The following PRDM1 variants were observed in gnomAD, a reference collection of about 807,000 sequenced individuals.
The protein encoded by PRDM1 is PR domain zinc finger protein 1.
In PRDM1, 13 loss-of-function variants were observed where a neutral mutation model predicts 62.8. The observed-to-expected ratio is 0.21, with a 90% CI of 0.13 to 0.33. The LOEUF (loss-of-function observed/expected upper bound fraction) is 0.33. Ranked by LOEUF, PRDM1 falls within the 10% of genes least tolerant of loss-of-function variation. The probability of loss-of-function intolerance (pLI) is 1.00; values close to 1 mark genes in which losing one functional copy is unlikely to be tolerated. For synonymous variants in PRDM1, 396 were observed against 417.6 expected (o/e 0.95, Z 0.63); for missense variants, 895 against 1,058.8 (o/e 0.85, Z 2.15).
chr6:106,087,313 TACATCA>T (rs1773835154), intron 1 of PRDM1, among the ~76,000 whole-genome samples: 1 of 152,248 alleles, frequency 6.6e-6, no homozygotes, highest in Non-Finnish European at 1.5e-5. Context: ...TAAACTGTAG[TACATCA>T]GTGACTTCTG....
At chr6:106,059,532 G>A (rs1239147248) in intron 1 of PRDM1, among the ~76,000 whole-genome samples, 1 of 152,220 alleles carries the variant, frequency 6.6e-6, no homozygotes, top group African/African-American at 2.4e-5. Flanking sequence ...GCATACCTTG[G>A]CAAGTAAGGA....
intron 1 of PRDM1, among the ~76,000 whole-genome samples, chr6:106,017,770 G>A (rs1470252917): frequency 2.6e-5 from 4 of 152,122 alleles, no homozygotes; most frequent in South Asian, 2.1e-4. Flanking sequence ...ATCTCCTCAC[G>A]GTTGACTCTG....
rs143556013 is a variant in PRDM1 at position 106,008,578 on chromosome 6, A to G, written c.-67+14939A>G. ...TTACTAAGTGCCTGGTACAGAGGAT[A>G]TAGACAAGATAAGTCAAGCGGCTCT... On this transcript the variant is annotated intron_variant, in intron 1 of 6. Transcript: ENST00000652320. Among the ~76,000 whole-genome samples the G allele has an allele frequency of 3.1e-3, 476 of 152,312 alleles. 2 individuals carry two copies. Among genetic ancestry groups the G allele is most frequent in the Non-Finnish European group, 4.4e-3 (302 of 68,024 alleles).
intron 1 of PRDM1, among the ~76,000 whole-genome samples, chr6:106,041,622 T>C (rs1185770215): frequency 6.6e-6 from 1 of 152,110 alleles, no homozygotes; most frequent in Non-Finnish European, 1.5e-5. Flanking sequence ...ATCCTGATAG[T>C]GGTGGTGGTT....
At chr6:106,097,134 C>T (rs765471271) in intron 3 of PRDM1, among the ~76,000 whole-genome samples, 1 of 152,162 alleles carries the variant, frequency 6.6e-6, no homozygotes, top group Middle Eastern at 3.2e-3. Flanking sequence ...AATTATTCCT[C>T]CTTAAAATAT....
intron 1 of PRDM1, among the ~76,000 whole-genome samples, chr6:106,016,649 C>CAT (rs1772624386): frequency 7.4e-6 from 1 of 135,834 alleles, no homozygotes. Context: ...TCTTTTCTCT[C>CAT]TTTTTTTTTT....
intron 1 of PRDM1, among the ~76,000 whole-genome samples, chr6:106,030,074 A>C (rs981232385): frequency 6.6e-6 from 1 of 151,846 alleles, no homozygotes. Flanking sequence ...AAGTTTTGAG[A>C]GTTCTTTATG....
intron 1 of PRDM1, among the ~76,000 whole-genome samples, chr6:106,014,438 G>T (rs1480286652): frequency 4.2e-4 from 16 of 38,366 alleles, no homozygotes; most frequent in African/African-American, 1.1e-3. Context: ...CATAAGAAAT[G>T]TTCAAAAAAA....
chr6:105,997,788 A>C (rs1185695526), intron 1 of PRDM1, among the ~76,000 whole-genome samples: 1 of 152,260 alleles, frequency 6.6e-6, no homozygotes, highest in Non-Finnish European at 1.5e-5. Flanking sequence ...GGAAAACAAA[A>C]GAAGAGATCT....
Position 106,101,111 on chromosome 6 carries a change from CAGA to C in PRDM1, c.664+1565_664+1567del, listed in dbSNP as rs536592806. ...GAACTCGTATTCCAGCTGTGCGTCT[CAGA>C]AGAAGCGCACAGCTCCCTCCTGGCT... On this transcript the variant is annotated intron_variant, in intron 4 of 6. Transcript: ENST00000369096. 2.5e-3 allele frequency among the ~76,000 whole-genome samples: 387 copies of C among 152,286 alleles called. 3 individuals carry two copies. Among genetic ancestry groups the C allele is most frequent in the African/African-American group, 9.1e-3 (379 of 41,564 alleles).
intron 1 of PRDM1, among the ~76,000 whole-genome samples, chr6:106,056,239 A>G (rs1773264885): frequency 6.6e-6 from 1 of 152,112 alleles, no homozygotes; most frequent in Admixed American, 6.6e-5. Context: ...TTGTCCTGCA[A>G]GTGAGCCCTC....
chr6:106,108,643 G>C lies in PRDM1; in HGVS notation c.*1157G>C. On this transcript the variant is annotated 3_prime_UTR_variant, in exon 7 of 7. Transcript: ENST00000369096. ...ACAAACACACAAACAACAAAAAACG[G>C]GTATTCTAGTCATCTTGGGGTAAAA... 4.3e-6 allele frequency: 1 copy of C among 232,666 alleles called. No homozygotes were observed. The allele number at this position is 232,666 out of a possible 1,614,324, so 14.4% of individuals were successfully genotyped here.
At chr6:106,030,957 T>C (rs920831911) in intron 1 of PRDM1, among the ~76,000 whole-genome samples, 18 of 151,674 alleles carry the variant, frequency 1.2e-4, no homozygotes, top group African/African-American at 3.9e-4. Context: ...AAGTTAACAA[T>C]AGTTGGTAGG....
Position 106,106,573 on chromosome 6 carries a change from A to G in PRDM1, c.1902+74A>G, listed in dbSNP as rs75952684. On this transcript the variant is annotated intron_variant, in intron 6 of 6. Transcript: ENST00000369096. The surrounding 1 kb of genome is among the most constrained non-coding windows in gnomAD (Gnocchi z 4.4). ...TGTGAGTCACCCTCCCATGTCCTAT[A>G]TAGCCCGTAGTTAAAGCCAACACCA... 6,019 of 1,584,266 alleles carry G rather than the reference A, an allele frequency of 3.8e-3. 199 individuals are homozygous for G. The African/African-American group carries it at 0.071, about 19-fold the overall frequency.
At chr6:106,052,154 A>C (rs1773186223) in intron 1 of PRDM1, among the ~76,000 whole-genome samples, 1 of 152,116 alleles carries the variant, frequency 6.6e-6, no homozygotes, top group South Asian at 2.1e-4. Context: ...TACACTTAAA[A>C]GTGGTTAAAA....
At chr6:106,011,959 TACAC>T (rs140962895) in intron 1 of PRDM1, among the ~76,000 whole-genome samples, 2 of 121,714 alleles carry the variant, frequency 1.6e-5, no homozygotes, top group African/African-American at 6.4e-5. Flanking sequence ...CACACCACAC[TACAC>T]ACACACACAA....
chr6:106,085,118 T>G (rs780195928), upstream of PRDM1, among the ~76,000 whole-genome samples: 1 of 152,238 alleles, frequency 6.6e-6, no homozygotes, highest in East Asian at 1.9e-4. Context: ...TTTCTTCCTG[T>G]AAACAAATAC....
At chr6:106,075,113 G>A (rs960344799) in intron 1 of PRDM1, among the ~76,000 whole-genome samples, 2 of 151,760 alleles carry the variant, frequency 1.3e-5, no homozygotes, top group Non-Finnish European at 2.9e-5. Context: ...AATTAGGGGG[G>A]AATTTTTTTT....
At position 106,107,750 on chromosome 6, in the gene PRDM1, C is replaced by T. The variant is rs1774544786; in HGVS notation, c.*264C>T. ...TTACACCTGTGTCTATATATTTGCC[C>T]CTGTGTATTTTGAATATTTGTGTGG... On this transcript the variant is annotated 3_prime_UTR_variant, in exon 7 of 7. Transcript: ENST00000369096. 6 of 225,592 alleles carry T rather than the reference C, an allele frequency of 2.7e-5. No homozygotes were observed. The South Asian group carries it at 5.6e-4, about 21-fold the overall frequency. The allele number at this position is 225,592 out of a possible 1,614,324, so 14.0% of individuals were successfully genotyped here.
Sources: allele counts gnomAD v4.1 joint callset (sites outside exome capture counted in the v4.1 genomes callset), GRCh38; gene constraint gnomAD v4.1.1; non-coding constraint Gnocchi (gnomAD v3.1); transcripts MANE v1.5; gene names NCBI Gene and HGNC (gene_info 2026-07-23, HGNC 2026-07-21).